The following EPC1 variants were observed in gnomAD, a reference collection of about 807,000 sequenced individuals.
The protein encoded by EPC1 is enhancer of polycomb homolog 1.
A neutral mutation model predicts 98.4 loss-of-function variants in EPC1; 12 were observed. That is an observed-to-expected ratio of 0.12 (90% CI 0.08 to 0.20). EPC1 has a LOEUF of 0.20. EPC1 is among the 10% of genes least tolerant of loss of function. EPC1 has a pLI of 1.00. For synonymous variants in EPC1, 357 were observed against 363.9 expected (o/e 0.98, Z 0.21); for missense variants, 729 against 990.5 (o/e 0.74, Z 3.54).
At chr10:32,289,227 ATT>A (rs1326170859) in intron 6 of EPC1, among the ~76,000 whole-genome samples, 1 of 152,184 alleles carries the variant, frequency 6.6e-6, no homozygotes, top group Admixed American at 6.5e-5. Flanking sequence ...CTAAAACAGT[ATT>A]TTGGGGCACA....
intron 1 of EPC1, among the ~76,000 whole-genome samples, chr10:32,370,305 T>G (rs1839710812): frequency 6.6e-6 from 1 of 152,080 alleles, no homozygotes; most frequent in East Asian, 1.9e-4. Context: ...AGATGGATAG[T>G]AGGTTTTGAA....
At chr10:32,366,120 C>T (rs9338650) in intron 1 of EPC1, among the ~76,000 whole-genome samples, 90,588 of 151,916 alleles carry the variant, frequency 0.6, 27,389 homozygotes, top group East Asian at 0.69. Flanking sequence ...GCAACAAAAG[C>T]GAAACTCAGG....
chr10:32,340,998 G>C (rs369733639), intron 1 of EPC1, among the ~76,000 whole-genome samples: 4 of 152,234 alleles, frequency 2.6e-5, no homozygotes, highest in African/African-American at 9.6e-5. Context: ...TACTCTAGTT[G>C]TCTCTGAAAG....
chr10:32,313,436 A>C (rs1245881551), intron 1 of EPC1, among the ~76,000 whole-genome samples: 1 of 152,244 alleles, frequency 6.6e-6, no homozygotes, highest in Non-Finnish European at 1.5e-5. Flanking sequence ...GAAATCTAAA[A>C]ATAAATTGTA....
chr10:32,338,937 C>CAAAA (rs139491789), intron 1 of EPC1, among the ~76,000 whole-genome samples: 3 of 88,582 alleles, frequency 3.4e-5, no homozygotes, highest in African/African-American at 9.3e-5. Context: ...GACCTTGTCT[C>CAAAA]AAAAAAAATA....
At chr10:32,303,455 T>C (rs1256112705) in intron 2 of EPC1, among the ~76,000 whole-genome samples, 4 of 152,230 alleles carry the variant, frequency 2.6e-5, no homozygotes, top group Non-Finnish European at 5.9e-5. Context: ...TGTATACATA[T>C]CATGGAATAC....
At chr10:32,336,480 T>A (rs1837983382) in intron 1 of EPC1, among the ~76,000 whole-genome samples, 1 of 152,196 alleles carries the variant, frequency 6.6e-6, no homozygotes, top group Non-Finnish European at 1.5e-5. Flanking sequence ...CTCAAGTGAA[T>A]GCTACTGCCC....
intron 2 of EPC1, among the ~76,000 whole-genome samples, chr10:32,300,757 A>C (rs1835468842): frequency 1.3e-5 from 2 of 151,988 alleles, no homozygotes; most frequent in Admixed American, 1.3e-4. Context: ...TCAATGGTTT[A>C]TAATTATTGT....
rs1835876098 is a variant in EPC1 at position 32,272,081 on chromosome 10, C to G, written c.1950G>C (p.Lys650Asn). 6.2e-7 allele frequency: 1 copy of G among 1,613,958 alleles called. No homozygotes were observed. The stretch of plus-strand genomic sequence containing the variant: ...TTCCAAGCACCACATCATCCTTCAT[C>G]TTGAATCCCATCAGTTGTTCTGATG... ...LVTSEQLMGF[K>N]MKDDVVLGIG... Residue 650 changes from lysine to asparagine, a missense_variant, in exon 12 of 14, where the codon AAG becomes AAC. By Grantham distance (94) the Lys-to-Asn change is moderately conservative. Coordinates refer to ENST00000319778, the MANE Select transcript of EPC1 (RefSeq NM_001272004.3).
At chr10:32,283,860 A>G (rs1039792226) in intron 10 of EPC1, 6 of 152,134 alleles carry the variant, frequency 3.9e-5, no homozygotes, top group Admixed American at 3.9e-4. Flanking sequence ...GGTCAACTGT[A>G]CTTTTTTTTA....
At chr10:32,289,769 G>A (rs560565905) in intron 6 of EPC1, among the ~76,000 whole-genome samples, 157 of 151,822 alleles carry the variant, frequency 1.0e-3, no homozygotes, top group African/African-American at 3.7e-3. Flanking sequence ...GACTACAGGC[G>A]CCCACCAGCA....
At chr10:32,327,889 A>G (rs1330278526) in intron 1 of EPC1, among the ~76,000 whole-genome samples, 4 of 152,230 alleles carry the variant, frequency 2.6e-5, no homozygotes, top group Non-Finnish European at 4.4e-5. Context: ...ACTATGCAGA[A>G]CATAAATGTA....
chr10:32,370,876 T>C (rs1431780726), intron 1 of EPC1, among the ~76,000 whole-genome samples: 3 of 152,212 alleles, frequency 2.0e-5, no homozygotes, highest in Admixed American at 6.5e-5. Context: ...TTTTAAATGA[T>C]CTGAGTCTAC....
chr10:32,308,012 A>G (rs1349870662), intron 1 of EPC1, among the ~76,000 whole-genome samples: 1 of 152,226 alleles, frequency 6.6e-6, no homozygotes, highest in Non-Finnish European at 1.5e-5. Flanking sequence ...CATAGCATTC[A>G]AGCATTCGTT....
intron 13 of EPC1, chr10:32,269,363 A>G (rs1460338856): frequency 2.0e-5 from 8 of 402,508 alleles, no homozygotes; most frequent in Non-Finnish European, 9.0e-6. Context: ...TCAAAATTAT[A>G]GTAGTACTCA....
At chr10:32,303,460 G>A (rs1483993435) in intron 2 of EPC1, among the ~76,000 whole-genome samples, 3 of 152,118 alleles carry the variant, frequency 2.0e-5, no homozygotes, top group Non-Finnish European at 4.4e-5. Flanking sequence ...ACATATCATG[G>A]AATACTGCTC....
intron 1 of EPC1, among the ~76,000 whole-genome samples, chr10:32,324,715 C>T (rs536760357): frequency 1.2e-4 from 18 of 152,006 alleles, no homozygotes; most frequent in Non-Finnish European, 1.8e-4. Context: ...ACATTTTAGC[C>T]GGGCGCGGTG....
chr10:32,277,488 T>C (rs1836163054), intron 10 of EPC1, among the ~76,000 whole-genome samples: 1 of 152,230 alleles, frequency 6.6e-6, no homozygotes, highest in Admixed American at 6.5e-5. Context: ...TGAATTTAGC[T>C]TCACTAGAAA....
At chr10:32,367,756 G>C (rs1270416574) in intron 1 of EPC1, among the ~76,000 whole-genome samples, 2 of 152,170 alleles carry the variant, frequency 1.3e-5, no homozygotes, top group African/African-American at 4.8e-5. Context: ...GAAATAATAA[G>C]CAGACAACTG....
Sources: gnomAD v4.1 joint callset for allele counts (sites outside exome capture counted in the v4.1 genomes callset) on GRCh38, gnomAD v4.1.1 for gene constraint, MANE v1.5 for transcripts, NCBI Gene and HGNC (gene_info 2026-07-23, HGNC 2026-07-21) for gene names.